Variants in SALL2 observed in about 807,000 individuals in gnomAD.
The protein encoded by SALL2 is sal-like protein 2.
A neutral mutation model predicts 58.5 loss-of-function variants in SALL2; 32 were observed. That is an observed-to-expected ratio of 0.55 (90% CI 0.41 to 0.74). The LOEUF is 0.74. SALL2 is among the 30% of genes least tolerant of loss of function. The pLI, the probability that SALL2 is intolerant of heterozygous loss-of-function variation, is 0.00. For synonymous variants in SALL2, 516 were observed against 513.6 expected (o/e 1.00, Z -0.06); for missense variants, 1,201 against 1,268.9 (o/e 0.95, Z 0.81).
In SALL2 at chr14:21,521,256, C is replaced by A. The variant is rs1892017248; in HGVS notation, c.*1448G>T. On this transcript the variant is annotated 3_prime_UTR_variant, in exon 2 of 2. Transcript: ENST00000537235. ...CCTCAGAACTCCTGTTCCAAATGAT[C>A]CTATGTTAAGAGTAAATACTACAAC... 1 of 152,138 alleles carries A rather than the reference C, an allele frequency of 6.6e-6. No individual in the cohort carries two copies. The highest frequency in any genetic ancestry group is 1.5e-5 in the Non-Finnish European group (1 of 68,048). The allele number at this position is 152,138 out of a possible 1,614,324, so 9.4% of individuals were successfully genotyped here. A position where few individuals can be genotyped will look rare whatever the true frequency, so the allele number is the denominator to read the frequency against.
At chr14:21,526,359 TGAG>T (rs1892312695), upstream of SALL2, 1 of 1,312,518 alleles carries the variant, frequency 7.6e-7, no homozygotes, top group East Asian at 3.0e-5. Context: ...GAGGAGCTGA[TGAG>T]GAGGGGAGTT....
rs756951366 is a variant in SALL2 at position 21,524,639 on chromosome 14, C to T, written c.1083G>A (p.Met361Ile). 3.2e-5 allele frequency: 52 copies of T among 1,614,044 alleles called. No individual in the cohort carries two copies. The South Asian group carries it at 5.5e-4, about 17-fold the overall frequency. ...TTCCACCAGGCTTCTCCAAGGGACCCATCACTTCTCCGTAGCTCAGCTCAC... is the reference window on the plus strand; with the variant it reads ...TTCCACCAGGCTTCTCCAAGGGACCTATCACTTCTCCGTAGCTCAGCTCAC... ...GSGELSYGEV[M>I]GPLEKPGGRH... The change falls in exon 2 of 2, where the codon ATG becomes ATA. Residue 361 changes from methionine (M) to isoleucine (I), a missense_variant. Met to Ile is a conservative substitution (Grantham distance 10). This residue lies in a region of SALL2 where 467 missense variants were observed against 468.9 expected (regional missense o/e 1.00). Coordinates refer to ENST00000537235, the MANE Select transcript of SALL2 (RefSeq NM_001364564.1).
Position 21,524,498 on chromosome 14 carries a change from A to T in SALL2, c.1224T>A (p.Phe408Leu). ...PYKCNVCGNR[F>L]TTRGNLKVHF... is the part of the protein sequence containing the mutation. ...GCACTTTGAGGTTGCCACGGGTGGT[A>T]AAACGGTTTCCACAGACATTGCACT... Residue 408 changes from phenylalanine (F) to leucine (L), a missense_variant, in exon 2 of 2, where the codon TTT becomes TTA. Around this residue, in one of 3 missense-constraint regions of SALL2, gnomAD observed 59 missense variants for 116.2 expected, o/e 0.51. Coordinates refer to ENST00000537235, the MANE Select transcript of SALL2 (RefSeq NM_001364564.1). The T allele has an allele frequency of 6.2e-7, 1 of 1,614,246 alleles. No homozygotes were observed. Among genetic ancestry groups the T allele is most frequent in the East Asian group, 2.2e-5 (1 of 44,888 alleles).
intron 1 of SALL2, among the ~76,000 whole-genome samples, chr14:21,536,213 G>C (rs905023668): frequency 6.6e-6 from 1 of 152,070 alleles, no homozygotes; most frequent in Non-Finnish European, 1.5e-5. Flanking sequence ...CACTTCTTTT[G>C]TTTTGTTTTG....
chr14:21,526,040 G>T (rs761261661), intron 1 of SALL2, 21 bp downstream of exon 1: 12 of 1,015,344 alleles, frequency 1.2e-5, no homozygotes, highest in Non-Finnish European at 1.8e-5. Context: ...CCCCTGCCCA[G>T]CCCGACCGAC....
intron 1 of SALL2, 60 bp downstream of exon 1, chr14:21,526,001 C>CGGGGGGGGGGGGGGGGGGGGGGGGGG: frequency 1.4e-6 from 2 of 1,389,786 alleles, no homozygotes; most frequent in Non-Finnish European, 2.0e-6. Flanking sequence ...AAAGTCTTCG[C>CGGGGGGGGGGGGGGGGGGGGGGGGGG]CGCCCCTGCG....
chr14:21,526,875 A>T (rs1892332930), upstream of SALL2, among the ~76,000 whole-genome samples: 1 of 151,764 alleles, frequency 6.6e-6, no homozygotes, highest in Admixed American at 6.6e-5. Context: ...TCCACAAAAG[A>T]AGTTTCTCAG....
upstream of SALL2, among the ~76,000 whole-genome samples, chr14:21,530,755 A>T (rs1892440789): frequency 6.6e-6 from 1 of 152,152 alleles, no homozygotes; most frequent in Non-Finnish European, 1.5e-5. Context: ...GACTACAGGC[A>T]TGCACAATCA....
rs1057189096 is a variant in SALL2, at chr14:21,525,059, G to A, written c.663C>T (p.Pro221=). The part of the protein sequence containing the change: ...LGQTVGAPAS[P]SELPGTGTAS... ...CAGTCCCTGTCCCAGGTAGCTCTGA[G>A]GGACTGGCAGGGGCACCCACCGTCT... The change falls in exon 2 of 2, where the codon CCC becomes CCT. Residue 221 remains proline (P), a synonymous_variant. Transcript: ENST00000537235. This position sits in a 1 kb window ranked among gnomAD's most constrained non-coding sequence, Gnocchi z 4.4. 6.2e-7 allele frequency: 1 copy of A among 1,614,064 alleles called. No individual in the cohort carries two copies. Among genetic ancestry groups the A allele is most frequent in the Non-Finnish European group, 8.5e-7 (1 of 1,179,980 alleles).
Position 21,521,934 on chromosome 14 carries a change from G to A in SALL2, c.*770C>T, listed in dbSNP as rs1485015158. ...ATTTCTCCCTACTTCCTAGGGTTGGGTCACCAATTACTGGAGCATCTTCAG... is the reference window on the plus strand; with the variant it reads ...ATTTCTCCCTACTTCCTAGGGTTGGATCACCAATTACTGGAGCATCTTCAG... On this transcript the variant is annotated 3_prime_UTR_variant, in exon 2 of 2. Transcript: ENST00000537235. 6.8e-7 allele frequency: 1 copy of A among 1,475,770 alleles called. No individual in the cohort carries two copies. 91.4% of individuals were successfully genotyped at this position (1,475,770 alleles called of 1,614,324 possible).
chr14:21,527,910 G>T (rs973896651), upstream of SALL2, among the ~76,000 whole-genome samples: 1 of 151,678 alleles, frequency 6.6e-6, no homozygotes, highest in African/African-American at 2.4e-5. Context: ...CACTTTGGGA[G>T]GTGGGCAGAT....
At chr14:21,537,080 A>ACT (rs897822141) in exon 1 of SALL2, 264 of 600,286 alleles carry the variant, frequency 4.4e-4, no homozygotes, top group South Asian at 6.7e-4. Flanking sequence ...AGAGACACAG[A>ACT]CTCTCTCTCT....
Position 21,522,441 on chromosome 14 carries a change from A to T in SALL2, c.*263T>A, listed in dbSNP as rs989303854. The T allele has an allele frequency of 1.1e-5, 16 of 1,407,208 alleles. No homozygotes were observed. Among genetic ancestry groups the T allele is most frequent in the Non-Finnish European group, 1.4e-5 (15 of 1,084,402 alleles). The allele number at this position is 1,407,208 out of a possible 1,614,324, so 87.2% of individuals were successfully genotyped here. ...AGAAGGGTCACACCAGGGAAGCTGG[A>T]GAGGGTTCCCCTTGAGAAAGCTGCA... On this transcript the variant is annotated 3_prime_UTR_variant, in exon 2 of 2. Transcript: ENST00000537235.
chr14:21,528,965 C>A (rs1201609315), upstream of SALL2, among the ~76,000 whole-genome samples: 2 of 152,176 alleles, frequency 1.3e-5, no homozygotes, highest in African/African-American at 4.8e-5. Context: ...TTCTTTTCAT[C>A]TTCTCCTGGG....
Position 21,522,085 on chromosome 14 carries a change from C to T in SALL2, c.*619G>A. 1 of 1,597,682 alleles carries T rather than the reference C, an allele frequency of 6.3e-7. No homozygotes were observed. Among genetic ancestry groups the T allele is most frequent in the Non-Finnish European group, 8.5e-7 (1 of 1,179,552 alleles). ...TGAAATAGGAGGGGGGCTGTCTTCT[C>T]CTTGGCTTCCCTGGATCCCATTGTT... On this transcript the variant is annotated 3_prime_UTR_variant, in exon 2 of 2. Transcript: ENST00000537235.
chr14:21,524,362 C>T lies in SALL2; in HGVS notation c.1360G>A (p.Val454Met), dbSNP rs760835214. 1.2e-5 allele frequency: 20 copies of T among 1,613,990 alleles called. No homozygotes were observed. The highest frequency in any genetic ancestry group is 2.2e-5 in the South Asian group (2 of 91,080). ...TCCTCCTCGGCCTTCTCTGGTGGCA[C>T]GGACATACCATAAGGCAAGCCACTG... Reference protein sequence around the residue: ...TSSGLPYGMSVPPEKAEEEAA... With the variant: ...TSSGLPYGMSMPPEKAEEEAA... The change falls in exon 2 of 2, where the codon GTG (valine) becomes ATG (methionine). Residue 454 changes from valine (V) to methionine (M), a missense_variant. Coordinates refer to ENST00000537235, the MANE Select transcript of SALL2 (RefSeq NM_001364564.1).
At chr14:21,535,068 G>C (rs958318273) in intron 1 of SALL2, among the ~76,000 whole-genome samples, 1 of 152,090 alleles carries the variant, frequency 6.6e-6, no homozygotes, top group Non-Finnish European at 1.5e-5. Flanking sequence ...GCTGATGGCC[G>C]GGAGCGGTGG....
At chr14:21,528,229 C>T (rs1034686442), upstream of SALL2, among the ~76,000 whole-genome samples, 2 of 151,824 alleles carry the variant, frequency 1.3e-5, no homozygotes, top group African/African-American at 2.4e-5. Flanking sequence ...AGATAATTTA[C>T]ATTGTCAGTA....
At chr14:21,527,049 G>A (rs1217482485), upstream of SALL2, among the ~76,000 whole-genome samples, 1 of 152,054 alleles carries the variant, frequency 6.6e-6, no homozygotes, top group Admixed American at 6.5e-5. Context: ...TAGAGTCCAT[G>A]CTTATTTAAT....
Sources: gnomAD v4.1 joint callset for allele counts (sites outside exome capture counted in the v4.1 genomes callset) on GRCh38, gnomAD v4.1.1 for gene constraint, gnomAD v4.1.1 regional missense constraint, Gnocchi (gnomAD v3.1) non-coding constraint, MANE v1.5 for transcripts, NCBI Gene and HGNC (gene_info 2026-07-23, HGNC 2026-07-21) for gene names.